Variants in RELN observed in about 807,000 individuals in gnomAD.
RELN encodes reelin.
In RELN, 108 loss-of-function variants were observed where a neutral mutation model predicts 427.6. That is an observed-to-expected ratio of 0.25 (90% CI 0.22 to 0.30). The LOEUF is 0.30. Ranked by LOEUF, RELN falls within the 10% of genes least tolerant of loss-of-function variation. The probability of loss-of-function intolerance (pLI) is 1.00; values close to 1 mark genes in which losing one functional copy is unlikely to be tolerated. For synonymous variants in RELN, 1,524 were observed against 1,513.4 expected, an observed-to-expected ratio of 1.01 and a Z score of -0.16; for missense variants, 3,715 against 4,302.8, an observed-to-expected ratio of 0.86 and a Z score of 3.82.
chr7:103,988,641 G>A lies in RELN; in HGVS notation c.226+490C>T, dbSNP rs1797151739. Among the ~76,000 whole-genome samples, 1 of 152,194 alleles carries A rather than the reference G, an allele frequency of 6.6e-6. No individual in the cohort carries two copies. The highest frequency in any genetic ancestry group is 2.4e-5 in the African/African-American group (1 of 41,436). ...GCTGGTGAGCAGCGGGAACTTTGCG[G>A]TCGAGCGGCGCGGGGCAGCCACAGA... On this transcript the variant is annotated intron_variant, in intron 1 of 64. Coordinates refer to ENST00000428762, the MANE Select transcript of RELN (RefSeq NM_005045.4). This position sits in a 1 kb window ranked among gnomAD's most constrained non-coding sequence, Gnocchi z 4.9.
chr7:103,595,447 G>A (rs1562912121), intron 25 of RELN, among the ~76,000 whole-genome samples: 1 of 152,030 alleles, frequency 6.6e-6, no homozygotes, highest in East Asian at 1.9e-4. Flanking sequence ...CTGTTTGCAT[G>A]TCTACTTATG....
intron 3 of RELN, among the ~76,000 whole-genome samples, chr7:103,785,942 AT>A (rs567498092): frequency 0.01 from 1,511 of 147,050 alleles, 7 homozygotes; most frequent in African/African-American, 0.027. Context: ...TGTAAACTCC[AT>A]TTTTTTTTTT....
Position 103,482,927 on chromosome 7 carries a change from C to G in RELN, c.10226G>C (p.Arg3409Pro). The G allele has an allele frequency of 6.2e-7, 1 of 1,614,152 alleles. No homozygotes were observed. Residue 3409 changes from arginine (R) to proline (P), a missense_variant, in exon 63 of 65, where the codon CGC becomes CCC. Physicochemically the swap from Arg to Pro is moderately radical, Grantham distance 103 (BLOSUM62 -2). This residue lies in a region of RELN where 195 missense variants were observed against 281.3 expected (regional missense o/e 0.69). Transcript: ENST00000428762. ...KGVLLRWWQP[R>P]HNGTGHDQWA... ...TTGATCATGACCTGTTCCATTGTGG[C>G]GTGGTTGCCACCAGCGCAGTAAGAC...
intron 31 of RELN, among the ~76,000 whole-genome samples, chr7:103,571,862 G>A (rs937710155): frequency 6.6e-6 from 1 of 152,280 alleles, no homozygotes; most frequent in Non-Finnish European, 1.5e-5. Flanking sequence ...CATGCTATAT[G>A]TAAGAGTCTC....
rs765082673 is a variant in RELN at position 103,603,266 on chromosome 7, C to T, written c.3333+38G>A. 3.3e-6 allele frequency: 5 copies of T among 1,508,842 alleles called. No homozygotes were observed. The highest frequency in any genetic ancestry group is 1.7e-5 in the Admixed American group (1 of 59,878). The allele number at this position is 1,508,842 out of a possible 1,614,324, so 93.5% of individuals were successfully genotyped here. The stretch of plus-strand genomic sequence containing the variant: ...AATTCAGAGTCTCATATTAAACTAG[C>T]CATTGCCCCGATGACTTATCCCAGC... On this transcript the variant is annotated intron_variant, in intron 24 of 64. Transcript: ENST00000428762. This position sits in a 1 kb window ranked among gnomAD's most constrained non-coding sequence, Gnocchi z 4.3.
At chr7:103,941,561 A>G (rs1026918491) in intron 1 of RELN, among the ~76,000 whole-genome samples, 23 of 152,194 alleles carry the variant, frequency 1.5e-4, no homozygotes, top group African/African-American at 5.3e-4. Flanking sequence ...ATAAAGTTAA[A>G]TGTTTTCTAA....
At chr7:103,720,889 A>G (rs533615223) in intron 8 of RELN, among the ~76,000 whole-genome samples, 4 of 152,126 alleles carry the variant, frequency 2.6e-5, no homozygotes, top group African/African-American at 7.2e-5. Flanking sequence ...ACATTTCTGG[A>G]AAGTTCTGCC....
chr7:103,561,423 A>C (rs139143152), intron 36 of RELN, 109 bp downstream of exon 36: 1 of 935,272 alleles, frequency 1.1e-6, no homozygotes, highest in African/African-American at 1.6e-5. Flanking sequence ...ACTATGTATT[A>C]AATATTATGT....
intron 1 of RELN, among the ~76,000 whole-genome samples, chr7:103,963,480 C>A (rs551919108): frequency 1.3e-5 from 2 of 152,224 alleles, no homozygotes; most frequent in Non-Finnish European, 2.9e-5. Flanking sequence ...CAAAATAATT[C>A]TTGTGGATAT....
In RELN at chr7:103,471,943, C is replaced by T. The variant is rs1277317996; in HGVS notation, c.*869G>A. The T allele has an allele frequency of 6.6e-6, 1 of 152,438 alleles. No individual in the cohort carries two copies. The highest frequency in any genetic ancestry group is 1.9e-4 in the East Asian group (1 of 5,204). The allele number at this position is 152,438 out of a possible 1,614,324, so 9.4% of individuals were successfully genotyped here. ...ACTTCATCAGAAGGTATGAATATGACCCGCAGAAAAAACAATCCACGAAGA... is the reference window on the plus strand; with the variant it reads ...ACTTCATCAGAAGGTATGAATATGATCCGCAGAAAAAACAATCCACGAAGA... On this transcript the variant is annotated 3_prime_UTR_variant, in exon 65 of 65. Coordinates refer to ENST00000428762, the MANE Select transcript of RELN (RefSeq NM_005045.4).
chr7:103,557,162 A>C lies in RELN; in HGVS notation c.5615-3T>G. 2 of 1,610,006 alleles carry C rather than the reference A, an allele frequency of 1.2e-6. No homozygotes were observed. Among genetic ancestry groups the C allele is most frequent in the Non-Finnish European group, 1.7e-6 (2 of 1,176,324 alleles). On this transcript the variant is annotated splice_region_variant and splice_polypyrimidine_tract_variant and intron_variant, in intron 37 of 64. Transcript: ENST00000428762. ...AGAGTGAGATCTCTCTGGGGTACCT[A>C]GGAAGAAGATAACACAGGTATAAAA...
intron 3 of RELN, among the ~76,000 whole-genome samples, chr7:103,828,234 C>G (rs1798771364): frequency 6.6e-6 from 1 of 152,002 alleles, no homozygotes; most frequent in Non-Finnish European, 1.5e-5. Context: ...CAAATCTCTG[C>G]ATCTGTATTA....
At chr7:103,797,305 C>T (rs1792330444) in intron 3 of RELN, among the ~76,000 whole-genome samples, 1 of 152,118 alleles carries the variant, frequency 6.6e-6, no homozygotes, top group Non-Finnish European at 1.5e-5. Context: ...GGGGTTTCAC[C>T]ATGTTGGCTA....
chr7:103,803,289 T>C (rs897924653), intron 3 of RELN, among the ~76,000 whole-genome samples: 1 of 152,178 alleles, frequency 6.6e-6, no homozygotes, highest in Non-Finnish European at 1.5e-5. Flanking sequence ...GTACTCACAG[T>C]GATGATGATT....
At chr7:103,912,962 T>A (rs970989760) in intron 2 of RELN, among the ~76,000 whole-genome samples, 4 of 152,054 alleles carry the variant, frequency 2.6e-5, no homozygotes, top group African/African-American at 9.7e-5. Context: ...TAATTAAACA[T>A]CACACTTCCC....
At chr7:103,697,443 G>A (rs1404346268) in intron 10 of RELN, among the ~76,000 whole-genome samples, 1 of 151,966 alleles carries the variant, frequency 6.6e-6, no homozygotes, top group Non-Finnish European at 1.5e-5. Flanking sequence ...GTCTGGATTT[G>A]GTACTGTTAT....
At chr7:103,688,410 T>C (rs1265037807) in intron 10 of RELN, among the ~76,000 whole-genome samples, 1 of 152,100 alleles carries the variant, frequency 6.6e-6, no homozygotes, top group Admixed American at 6.6e-5. Context: ...TCAAGTGAAC[T>C]GCTGAAACCT....
intron 50 of RELN, 147 bp from the exon 51 acceptor site, chr7:103,511,152 A>G (rs1829397830): frequency 1.5e-6 from 1 of 673,542 alleles, no homozygotes; most frequent in African/African-American, 1.8e-5. Context: ...ATATAAATAC[A>G]TTGTTTCAGG....
chr7:103,506,945 T>G (rs1488787289), intron 51 of RELN, among the ~76,000 whole-genome samples: 1 of 152,210 alleles, frequency 6.6e-6, no homozygotes, highest in Admixed American at 6.5e-5. Flanking sequence ...AGACTGGCAT[T>G]ACATAATGGT....
Sources: allele counts gnomAD v4.1 joint callset (sites outside exome capture counted in the v4.1 genomes callset), GRCh38; gene constraint gnomAD v4.1.1; regional missense constraint gnomAD v4.1.1; non-coding constraint Gnocchi (gnomAD v3.1); transcripts MANE v1.5; gene names NCBI Gene and HGNC (gene_info 2026-07-23, HGNC 2026-07-21).